Variants in EXOC1 observed in about 807,000 individuals in gnomAD.
The protein encoded by EXOC1 is SEC3-like 1.
A neutral mutation model predicts 107.7 loss-of-function variants in EXOC1; 67 were observed. The ratio of observed to expected loss-of-function variants is 0.62; its 90% CI spans 0.51 to 0.76. EXOC1 has a LOEUF of 0.76. Ranked by LOEUF, EXOC1 falls within the 30% of genes least tolerant of loss-of-function variation. The pLI is 0.00. For missense variants in EXOC1, 833 were observed against 1,055.7 expected, an observed-to-expected ratio of 0.79 and a Z score of 2.92; for synonymous variants, 348 against 353.5, an observed-to-expected ratio of 0.98 and a Z score of 0.17.
rs1480432858 is a variant in EXOC1 at position 55,864,323 on chromosome 4, T to C, written c.352T>C (p.Leu118=). ...KNAFISCIWK[L]NQRYLRKKID... ...TGCATTTATTTCATGCATTTGGAAA[T>C]TGAATCAGCGATATCTCCGGAAGAA... The change falls in exon 4 of 19, where the codon TTG becomes CTG. Residue 118 remains leucine, a synonymous_variant. Transcript: ENST00000381295. 3.1e-6 allele frequency: 5 copies of C among 1,611,276 alleles called. No individual in the cohort carries two copies. The highest frequency in any genetic ancestry group is 4.2e-6 in the Non-Finnish European group (5 of 1,178,922).
At chr4:55,862,554 G>A (rs1006305723) in intron 3 of EXOC1, among the ~76,000 whole-genome samples, 4 of 151,876 alleles carry the variant, frequency 2.6e-5, no homozygotes, top group African/African-American at 9.7e-5. Flanking sequence ...GTGTTTTTTT[G>A]TAAGTAATAA....
chr4:55,889,222 A>C (rs1724235934), intron 11 of EXOC1, among the ~76,000 whole-genome samples: 1 of 152,214 alleles, frequency 6.6e-6, no homozygotes, highest in African/African-American at 2.4e-5. Flanking sequence ...AATCTTATAT[A>C]GATATGGTCG....
intron 12 of EXOC1, 145 bp downstream of exon 12, chr4:55,890,531 GAA>G (rs34003680): frequency 0.021 from 6,256 of 297,488 alleles, 39 homozygotes; most frequent in African/African-American, 0.052. Context: ...TCGAATCTGG[GAA>G]AAAAAAAAAA....
chr4:55,881,840 G>A lies in EXOC1; in HGVS notation c.1225-1983G>A, dbSNP rs140410586. ...CTTTTCCCTATAACTTAGTGATTTT[G>A]GGGCCCCAAGATTTATTTTCCTTTC... On this transcript the variant is annotated intron_variant, in intron 9 of 18. Transcript: ENST00000381295. Among the ~76,000 whole-genome samples, 647 of 151,120 alleles carry A rather than the reference G, an allele frequency of 4.3e-3. 5 individuals carry two copies. Among genetic ancestry groups the A allele is most frequent in the African/African-American group, 0.015 (622 of 41,442 alleles).
intron 5 of EXOC1, among the ~76,000 whole-genome samples, chr4:55,870,143 T>C (rs1436475328): frequency 6.6e-6 from 1 of 152,238 alleles, no homozygotes; most frequent in Non-Finnish European, 1.5e-5. Context: ...CTGTTACTAG[T>C]TCCCATCATA....
Position 55,871,097 on chromosome 4 carries a change from C to T in EXOC1, c.832-4C>T. The T allele has an allele frequency of 6.2e-7, 1 of 1,613,124 alleles. No individual in the cohort carries two copies. Among genetic ancestry groups the T allele is most frequent in the Non-Finnish European group, 8.5e-7 (1 of 1,179,548 alleles). On this transcript the variant is annotated splice_polypyrimidine_tract_variant and splice_region_variant and intron_variant, in intron 6 of 18. Transcript: ENST00000381295. ...TGCAAATGGTGTGTTTGCATATATT[C>T]TAGAACCACATGGACTTGGCCAAAG...
At chr4:55,861,935 T>A (rs1157833527) in intron 3 of EXOC1, among the ~76,000 whole-genome samples, 4 of 152,166 alleles carry the variant, frequency 2.6e-5, no homozygotes, top group Admixed American at 2.6e-4. Context: ...ACGCCTGTAG[T>A]CCCAGCTTCT....
chr4:55,870,379 C>CACCTTACTTGTGCATTCTGGA (rs1300514008), intron 5 of EXOC1, among the ~76,000 whole-genome samples: 2 of 152,208 alleles, frequency 1.3e-5, no homozygotes, highest in Admixed American at 6.5e-5. Context: ...TACTTTCTGG[C>CACCTTACTTGTGCATTCTGGA]ACCTTACTTG....
intron 8 of EXOC1, chr4:55,875,738 A>G: frequency 1.0e-6 from 1 of 985,386 alleles, no homozygotes; most frequent in South Asian, 4.7e-5. Flanking sequence ...TCTGTCAAAT[A>G]TTCTTCCCCT....
rs755365112 is a variant in EXOC1, at chr4:55,860,416, A to G, written c.130A>G (p.Thr44Ala). Reference protein sequence around the residue: ...KNCFLCATVTTERPVQVKVVK... With the variant: ...KNCFLCATVTAERPVQVKVVK... Reference sequence around the variant, plus strand: ...GTGTGCGTTTTACTCAACAGTGACAACTGAACGCCCTGTGCAGGTTAAGGT... The same window carrying G: ...GTGTGCGTTTTACTCAACAGTGACAGCTGAACGCCCTGTGCAGGTTAAGGT... Residue 44 changes from threonine to alanine, a missense_variant, in exon 3 of 19, where the codon ACT becomes GCT. Thr to Ala is a moderately conservative substitution (Grantham distance 58, BLOSUM62 0). This residue lies in a region of EXOC1 where 617 missense variants were observed against 701.3 expected (regional missense o/e 0.88). Coordinates refer to ENST00000381295, the MANE Select transcript of EXOC1 (RefSeq NM_001024924.2). 1.9e-5 allele frequency: 30 copies of G among 1,613,618 alleles called. No homozygotes were observed. The African/African-American group carries it at 2.7e-4, about 14-fold the overall frequency.
Position 55,899,831 on chromosome 4 carries a change from C to T in EXOC1, c.2284C>T (p.His762Tyr), listed in dbSNP as rs1277625033. 3 of 1,612,852 alleles carry T rather than the reference C, an allele frequency of 1.9e-6. No homozygotes were observed. Among genetic ancestry groups the T allele is most frequent in the African/African-American group, 1.3e-5 (1 of 74,892 alleles). Residue 762 changes from histidine (H) to tyrosine (Y), a missense_variant, in exon 17 of 19, where the codon CAC (histidine) becomes TAC (tyrosine). Coordinates refer to ENST00000381295, the MANE Select transcript of EXOC1 (RefSeq NM_001024924.2). ...AGAAGCCAAACAAAAATACACAGATCACCTTCAGTCTTATGTCATTTACTC... is the reference window on the plus strand; with the variant it reads ...AGAAGCCAAACAAAAATACACAGATTACCTTCAGTCTTATGTCATTTACTC... The part of the protein sequence containing the change: ...KKEAKQKYTD[H>Y]LQSYVIYSLG...
intron 4 of EXOC1, among the ~76,000 whole-genome samples, chr4:55,864,697 T>C (rs1386922330): frequency 6.6e-6 from 1 of 152,230 alleles, no homozygotes; most frequent in Non-Finnish European, 1.5e-5. Context: ...TAACATACTT[T>C]TTCATATAAT....
At chr4:55,880,197 C>T (rs1723266670) in intron 9 of EXOC1, among the ~76,000 whole-genome samples, 1 of 151,372 alleles carries the variant, frequency 6.6e-6, no homozygotes, top group African/African-American at 2.4e-5. Context: ...TGCCTTTGCC[C>T]ATTTAAAGTA....
Position 55,893,721 on chromosome 4 carries a change from C to G in EXOC1, c.1894C>G (p.Leu632Val), listed in dbSNP as rs1285391266. ...ACAAAATGTGGACCCTGCTTCTTTC[C>G]TAAGTACTACATTGGGAAATGTTTT... ...TAQNVDPASF[L>V]STTLGNVLVT... Residue 632 changes from leucine to valine, a missense_variant, in exon 15 of 19, where the codon CTA becomes GTA. By Grantham distance (32) the Leu-to-Val change is conservative. Transcript: ENST00000381295. 1 of 1,614,100 alleles carries G rather than the reference C, an allele frequency of 6.2e-7. No homozygotes were observed. Among genetic ancestry groups the G allele is most frequent in the Non-Finnish European group, 8.5e-7 (1 of 1,180,016 alleles).
At chr4:55,878,216 T>G (rs1317334786) in intron 9 of EXOC1, 150 bp downstream of exon 9, 1 of 902,190 alleles carries the variant, frequency 1.1e-6, no homozygotes, top group East Asian at 2.7e-5. Flanking sequence ...GTGATAACAT[T>G]CATTTTATTA....
rs372812327 is a variant in EXOC1 at position 55,892,654 on chromosome 4, A to T, written c.1667A>T (p.Asp556Val). Residue 556 changes from aspartate to valine, a missense_variant, in exon 14 of 19, where the codon GAT (aspartate) becomes GTT (valine). Coordinates refer to ENST00000381295, the MANE Select transcript of EXOC1 (RefSeq NM_001024924.2). Reference protein sequence around the residue: ...PGTMAEAEDLDGGTLSRQHNC... With the variant: ...PGTMAEAEDLVGGTLSRQHNC... The stretch of plus-strand genomic sequence containing the variant: ...TTGCAGGCTGAAGCAGAGGACCTGG[A>T]TGGAGGAACATTATCACGGCAACAT... 2 of 1,613,990 alleles carry T rather than the reference A, an allele frequency of 1.2e-6. No individual in the cohort carries two copies. Among genetic ancestry groups the T allele is most frequent in the African/African-American group, 2.7e-5 (2 of 74,908 alleles).
At chr4:55,886,451 G>A (rs1723882930) in intron 10 of EXOC1, among the ~76,000 whole-genome samples, 1 of 151,786 alleles carries the variant, frequency 6.6e-6, no homozygotes, top group South Asian at 2.1e-4. Flanking sequence ...TACTCAGGAG[G>A]CTGAGGGGCA....
chr4:55,895,363 A>G (rs1356059931), intron 15 of EXOC1, among the ~76,000 whole-genome samples: 1 of 152,192 alleles, frequency 6.6e-6, no homozygotes, highest in African/African-American at 2.4e-5. Flanking sequence ...AAAAATATGG[A>G]TCTTGTATTC....
chr4:55,882,864 A>G (rs994389655), intron 9 of EXOC1: 1 of 152,166 alleles, frequency 6.6e-6, no homozygotes, highest in African/African-American at 2.4e-5. Context: ...ACTTAAAAGA[A>G]TAGGTACAAC....
Sources: allele counts gnomAD v4.1 joint callset (sites outside exome capture counted in the v4.1 genomes callset), GRCh38; gene constraint gnomAD v4.1.1; regional missense constraint gnomAD v4.1.1; transcripts MANE v1.5; gene names NCBI Gene and HGNC (gene_info 2026-07-23, HGNC 2026-07-21).